The following MLKL variants were observed in gnomAD, a reference collection of about 807,000 sequenced individuals.
MLKL encodes the protein mixed lineage kinase domain like pseudokinase.
Under a neutral mutation model 56.5 loss-of-function variants are expected in MLKL, and 55 were observed. The ratio of observed to expected loss-of-function variants is 0.97; its 90% confidence interval spans 0.78 to 1.22. MLKL has a LOEUF of 1.22. Among genes scored for constraint, MLKL ranks in the 50% most tolerant of loss-of-function variants. The pLI, the probability that MLKL is intolerant of heterozygous loss-of-function variation, is 0.00. For missense variants in MLKL, 694 were observed against 573.9 expected, an observed-to-expected ratio of 1.21 and a Z score of -2.14; for synonymous variants, 251 against 208.3, an observed-to-expected ratio of 1.20 and a Z score of -1.76.
chr16:74,680,181 T>A (rs1163220136), intron 6 of MLKL, among the ~76,000 whole-genome samples: 1 of 152,106 alleles, frequency 6.6e-6, no homozygotes, highest in Non-Finnish European at 1.5e-5. Flanking sequence ...CTGTGAACTT[T>A]CAGCAGCAAA....
At chr16:74,696,367 G>A (rs561049260) in intron 1 of MLKL, among the ~76,000 whole-genome samples, 1 of 152,262 alleles carries the variant, frequency 6.6e-6, no homozygotes, top group South Asian at 2.1e-4. Flanking sequence ...ATTCAAATGA[G>A]TGAAGTGAGC....
At chr16:74,681,966 C>T (rs868419507) in intron 6 of MLKL, among the ~76,000 whole-genome samples, 22 of 152,104 alleles carry the variant, frequency 1.4e-4, no homozygotes, top group Non-Finnish European at 2.4e-4. Flanking sequence ...AAATTTGAGA[C>T]TGGGTGCAGT....
chr16:74,695,738 A>T lies in MLKL; in HGVS notation c.20T>A (p.Ile7Asn). The change falls in exon 2 of 11, where the codon ATT becomes AAT. Residue 7 changes from isoleucine to asparagine, a missense_variant. Transcript: ENST00000308807. ...GTGGATGACCTGGCCAAGGGTGATA[A>T]TATGCTTCAAATTTTCCATGCCTGG... MENLKH[I>N]ITLGQVIHKR... 6.3e-7 allele frequency: 1 copy of T among 1,591,542 alleles called. No homozygotes were observed. Among genetic ancestry groups the T allele is most frequent in the Non-Finnish European group, 8.6e-7 (1 of 1,168,754 alleles).
chr16:74,683,112 C>T (rs1960094563), intron 5 of MLKL, among the ~76,000 whole-genome samples: 1 of 152,080 alleles, frequency 6.6e-6, no homozygotes, highest in Admixed American at 6.6e-5. Context: ...AGTTTGAGAT[C>T]AGCCTGGCCT....
In MLKL at chr16:74,682,716, C is replaced by T. The variant is rs770254333; in HGVS notation, c.891G>A (p.Arg297=). ...ELGTLRELLD[R]EKDLTLGKRM... is the part of the protein sequence containing the mutation. The stretch of plus-strand genomic sequence containing the variant: ...GCTTGCCAAGTGTGAGGTCTTTTTC[C>T]CTATCCAACAGCTCCCTCAGGGTCC... The change falls in exon 6 of 11, where the codon AGG becomes AGA. Residue 297 remains arginine (R), a synonymous_variant. Transcript: ENST00000308807. 6.2e-7 allele frequency: 1 copy of T among 1,613,976 alleles called. No homozygotes were observed. The highest frequency in any genetic ancestry group is 1.3e-5 in the African/African-American group (1 of 74,890).
At chr16:74,672,847 G>A (rs1320137177) in intron 10 of MLKL, among the ~76,000 whole-genome samples, 1 of 152,212 alleles carries the variant, frequency 6.6e-6, no homozygotes, top group Non-Finnish European at 1.5e-5. Context: ...GAAGAAAGAA[G>A]ACAGAGGAGA....
chr16:74,675,340 C>A lies in MLKL; in HGVS notation c.1240+15G>T. 6.2e-7 allele frequency: 1 copy of A among 1,614,120 alleles called. No individual in the cohort carries two copies. Among genetic ancestry groups the A allele is most frequent in the Non-Finnish European group, 8.5e-7 (1 of 1,179,970 alleles). Reference sequence around the variant, plus strand: ...CAACCTCACCACTGGCTGAGCCAGTCTTCACATTCTTCACCTTGAAACGGG... The same window carrying A: ...CAACCTCACCACTGGCTGAGCCAGTATTCACATTCTTCACCTTGAAACGGG... On this transcript the variant is annotated intron_variant, in intron 9 of 10. Coordinates refer to ENST00000308807, the MANE Select transcript of MLKL (RefSeq NM_152649.4).
chr16:74,689,202 C>T (rs773653961), intron 4 of MLKL, among the ~76,000 whole-genome samples: 9 of 151,472 alleles, frequency 5.9e-5, no homozygotes, highest in Non-Finnish European at 1.2e-4. Context: ...GCAACCTTGG[C>T]CTCCAAGGTT....
chr16:74,693,440 C>G (rs1597509444), intron 2 of MLKL, among the ~76,000 whole-genome samples: 1 of 111,108 alleles, frequency 9.0e-6, no homozygotes, highest in Admixed American at 1.2e-4. Flanking sequence ...TGCACTCCAG[C>G]AAGACTCTGT....
chr16:74,695,708 C>G lies in MLKL; in HGVS notation c.50G>C (p.Arg17Pro). 6.2e-7 allele frequency: 1 copy of G among 1,613,464 alleles called. No homozygotes were observed. The highest frequency in any genetic ancestry group is 8.5e-7 in the Non-Finnish European group (1 of 1,179,798). ...IITLGQVIHK[R>P]CEEMKYCKKQ... ...CTTGCAGTATTTCATCTCTTCACAC[C>G]GTTTGTGGATGACCTGGCCAAGGGT... Residue 17 changes from arginine (R) to proline (P), a missense_variant, in exon 2 of 11, where the codon CGG (arginine) becomes CCG (proline). Physicochemically the swap from Arg to Pro is moderately radical, Grantham distance 103 (BLOSUM62 -2). Coordinates refer to ENST00000308807, the MANE Select transcript of MLKL (RefSeq NM_152649.4).
intron 5 of MLKL, among the ~76,000 whole-genome samples, chr16:74,684,299 G>A (rs1458620564): frequency 6.6e-6 from 1 of 151,908 alleles, no homozygotes; most frequent in Non-Finnish European, 1.5e-5. Flanking sequence ...GTTGGCCTGA[G>A]GCTGTGGAGC....
At chr16:74,693,477 A>G (rs113833998) in intron 2 of MLKL, among the ~76,000 whole-genome samples, 34 of 124,608 alleles carry the variant, frequency 2.7e-4, no homozygotes, top group African/African-American at 1.1e-3. Flanking sequence ...AAGAAAAGAA[A>G]AAAGAAAGAA....
intron 7 of MLKL, chr16:74,676,145 T>G (rs759603155): frequency 3.3e-6 from 2 of 597,690 alleles, no homozygotes; most frequent in Non-Finnish European, 4.3e-6. Flanking sequence ...AGAGGGGTCA[T>G]AGAGCCACTG....
intron 7 of MLKL, chr16:74,678,299 A>G: frequency 6.5e-6 from 1 of 153,270 alleles, no homozygotes; most frequent in East Asian, 1.9e-4. Context: ...CCCCCATTGT[A>G]TGTTGTAGGG....
chr16:74,696,444 T>C (rs900417729), intron 1 of MLKL, among the ~76,000 whole-genome samples: 2 of 151,580 alleles, frequency 1.3e-5, no homozygotes, highest in African/African-American at 4.8e-5. Flanking sequence ...ATGTGGACTA[T>C]CTTTCATTTT....
At chr16:74,675,455 C>T (rs752492087) in intron 8 of MLKL, 51 bp from the exon 9 acceptor site, 4 of 1,600,264 alleles carry the variant, frequency 2.5e-6, no homozygotes, top group East Asian at 4.5e-5. Context: ...CCCCTTTCCC[C>T]TGTCCCTCTA....
Position 74,695,688 on chromosome 16 carries a change from A to G in MLKL, c.70T>C (p.Cys24Arg). 6.2e-7 allele frequency: 1 copy of G among 1,614,100 alleles called. No individual in the cohort carries two copies. The highest frequency in any genetic ancestry group is 8.5e-7 in the Non-Finnish European group (1 of 1,180,018). ...CCCAGGCGCCGGCACTGTTTCTTGC[A>G]GTATTTCATCTCTTCACACCGTTTG... The part of the protein sequence containing the change: ...IHKRCEEMKY[C>R]KKQCRRLGHR... Residue 24 changes from cysteine to arginine, a missense_variant, in exon 2 of 11, where the codon TGC (cysteine) becomes CGC (arginine). Physicochemically the swap from Cys to Arg is radical, Grantham distance 180. Coordinates refer to ENST00000308807, the MANE Select transcript of MLKL (RefSeq NM_152649.4).
At chr16:74,674,837 A>G (rs950546893) in intron 10 of MLKL, 123 bp downstream of exon 10, 2 of 1,193,948 alleles carry the variant, frequency 1.7e-6, no homozygotes, top group Non-Finnish European at 2.4e-6. Flanking sequence ...ACATCACTAA[A>G]TGTTCCCCGG....
chr16:74,684,525 C>T (rs1464267724), intron 5 of MLKL, among the ~76,000 whole-genome samples: 1 of 147,312 alleles, frequency 6.8e-6, no homozygotes, highest in Non-Finnish European at 1.5e-5. Context: ...GACAGAGTCT[C>T]ACTCTGTCAC....
Sources: gnomAD v4.1 joint callset for allele counts (sites outside exome capture counted in the v4.1 genomes callset) on GRCh38, gnomAD v4.1.1 for gene constraint, MANE v1.5 for transcripts, NCBI Gene and HGNC (gene_info 2026-07-23, HGNC 2026-07-21) for gene names.